Variants in MAPKAPK5 observed in about 807,000 individuals in gnomAD.
MAPKAPK5 encodes MAP kinase-activated protein kinase 5.
In MAPKAPK5, 30 loss-of-function variants were observed where a neutral mutation model predicts 65.1. That is an observed-to-expected ratio of 0.46 (90% CI 0.34 to 0.63). The LOEUF is 0.63. Ranked by LOEUF, MAPKAPK5 falls within the 20% of genes least tolerant of loss-of-function variation. The pLI, the probability that MAPKAPK5 is intolerant of heterozygous loss-of-function variation, is 0.01. For missense variants in MAPKAPK5, 433 were observed against 581.4 expected (o/e 0.74, Z 2.63); for synonymous variants, 179 against 204.6 (o/e 0.87, Z 1.07).
intron 1 of MAPKAPK5, among the ~76,000 whole-genome samples, chr12:111,859,378 A>G (rs1187955137): frequency 6.6e-6 from 1 of 150,780 alleles, no homozygotes; most frequent in African/African-American, 2.4e-5. Context: ...TCCCAGGTTC[A>G]AGCGATTCTC....
At chr12:111,845,555 C>A (rs920914114) in intron 1 of MAPKAPK5, among the ~76,000 whole-genome samples, 3 of 151,902 alleles carry the variant, frequency 2.0e-5, no homozygotes, top group African/African-American at 4.9e-5. Context: ...GCACTCCCAG[C>A]TTATAGGGTT....
intron 13 of MAPKAPK5, among the ~76,000 whole-genome samples, chr12:111,890,917 C>G (rs2070582718): frequency 1.3e-5 from 2 of 152,046 alleles, no homozygotes; most frequent in South Asian, 4.1e-4. Context: ...CTCAGCCTCC[C>G]AAAGTGCTGG....
chr12:111,865,870 CTG>C (rs2069588707), intron 2 of MAPKAPK5, among the ~76,000 whole-genome samples: 1 of 146,574 alleles, frequency 6.8e-6, no homozygotes, highest in Non-Finnish European at 1.5e-5. Context: ...GGTGTCGAGA[CTG>C]TGGGGCCACT....
chr12:111,856,032 TTTAG>T (rs2069228953), intron 1 of MAPKAPK5, among the ~76,000 whole-genome samples: 1 of 151,650 alleles, frequency 6.6e-6, no homozygotes, highest in African/African-American at 2.4e-5. Flanking sequence ...ATTTTGTACT[TTTAG>T]TAGAGACTGG....
chr12:111,900,258 A>G lies in MAPKAPK5; in HGVS notation c.*7197A>G. The G allele has an allele frequency of 2.2e-6, 1 of 455,984 alleles. No homozygotes were observed. The highest frequency in any genetic ancestry group is 4.4e-6 in the Non-Finnish European group (1 of 226,770). The allele number at this position is 455,984 out of a possible 1,614,324, so 28.2% of individuals were successfully genotyped here. A position where few individuals can be genotyped will look rare whatever the true frequency, so the allele number is the denominator to read the frequency against. ...CGTTGGGCATCACCCTGGACAGAAT[A>G]TGGGCCAGGCCTTTCTCAGTGGTGC... On this transcript the variant is annotated 3_prime_UTR_variant, in exon 14 of 14. Transcript: ENST00000550735.
intron 1 of MAPKAPK5, among the ~76,000 whole-genome samples, chr12:111,843,619 A>G (rs187193244): frequency 6.6e-6 from 1 of 152,336 alleles, no homozygotes; most frequent in East Asian, 1.9e-4. Flanking sequence ...CTTGAAGGAC[A>G]GGCATCTATT....
rs1276947252 is a variant in MAPKAPK5 at position 111,893,604 on chromosome 12, T to G, written c.*543T>G. ...GAGGGAGGTGAGCCCTCATTTCTCC[T>G]GCCCCCTAATTCCCAAGAGAAAAGC... On this transcript the variant is annotated 3_prime_UTR_variant, in exon 14 of 14. Transcript: ENST00000550735. 3 of 152,332 alleles carry G rather than the reference T, an allele frequency of 2.0e-5. No homozygotes were observed. The highest frequency in any genetic ancestry group is 7.2e-5 in the African/African-American group (3 of 41,470). The allele number at this position is 152,332 out of a possible 1,614,324, so 9.4% of individuals were successfully genotyped here.
intron 1 of MAPKAPK5, among the ~76,000 whole-genome samples, chr12:111,861,710 A>G (rs1207509575): frequency 2.0e-5 from 3 of 152,218 alleles, no homozygotes; most frequent in African/African-American, 7.2e-5. Context: ...AACAGTGTTT[A>G]GAAAAGCAAG....
chr12:111,889,950 C>T, intron 12 of MAPKAPK5, 90 bp from the exon 13 acceptor site: 1 of 771,142 alleles, frequency 1.3e-6, no homozygotes. Context: ...CATTTTTCAA[C>T]CAGTTGGACA....
At chr12:111,890,684 G>A (rs2070572205) in intron 13 of MAPKAPK5, among the ~76,000 whole-genome samples, 1 of 152,206 alleles carries the variant, frequency 6.6e-6, no homozygotes, top group East Asian at 1.9e-4. Flanking sequence ...TTGAGGCGGA[G>A]TTTCACTCTG....
Position 111,901,191 on chromosome 12 carries a change from G to A in MAPKAPK5, c.*8130G>A. 2.2e-6 allele frequency: 1 copy of A among 453,788 alleles called. No individual in the cohort carries two copies. The highest frequency in any genetic ancestry group is 4.4e-6 in the Non-Finnish European group (1 of 226,134). 28.1% of individuals were successfully genotyped at this position (453,788 alleles called of 1,614,324 possible). A position where few individuals can be genotyped will look rare whatever the true frequency, so the allele number is the denominator to read the frequency against. ...AGATGTGCACAATGGCACTTACTGT[G>A]CACCAAACAAAGTCTGCCTGAATTC... On this transcript the variant is annotated 3_prime_UTR_variant, in exon 14 of 14. Coordinates refer to ENST00000550735, the MANE Select transcript of MAPKAPK5 (RefSeq NM_003668.4).
In MAPKAPK5 at chr12:111,898,166, T is replaced by G. The variant is rs1158293737; in HGVS notation, c.*5105T>G. The G allele has an allele frequency of 6.6e-6, 1 of 152,024 alleles. No homozygotes were observed. The highest frequency in any genetic ancestry group is 1.5e-5 in the Non-Finnish European group (1 of 68,000). 9.4% of individuals were successfully genotyped at this position (152,024 alleles called of 1,614,324 possible). ...ACACCTGGTTAGTCAGCTTTTATTT[T>G]GACCCCACAGTTTTTTTTTTGAGAC... On this transcript the variant is annotated 3_prime_UTR_variant, in exon 14 of 14. Coordinates refer to ENST00000550735, the MANE Select transcript of MAPKAPK5 (RefSeq NM_003668.4).
In MAPKAPK5 at chr12:111,865,289, C is replaced by T. The variant is rs2069563198; in HGVS notation, c.76C>T (p.Gln26Ter). The T allele has an allele frequency of 1.3e-6, 2 of 1,593,112 alleles. No homozygotes were observed. Among genetic ancestry groups the T allele is most frequent in the Non-Finnish European group, 1.7e-6 (2 of 1,168,746 alleles). The part of the protein sequence containing the change: ...ILEEYSINWT[Q>*]KLGAGISGPV... Reference sequence around the variant, plus strand: ...AGAAGAATACAGTATCAATTGGACTCAGAAGCTGGGAGCTGGAATTAGTGG... The same window carrying T: ...AGAAGAATACAGTATCAATTGGACTTAGAAGCTGGGAGCTGGAATTAGTGG... Residue 26 changes from glutamine to a stop codon, truncating the protein, a stop_gained, in exon 2 of 14, where the codon CAG becomes TAG. Transcript: ENST00000550735. LOFTEE classifies it high-confidence loss of function.
chr12:111,891,391 T>G (rs2070602694), intron 13 of MAPKAPK5, among the ~76,000 whole-genome samples: 1 of 151,174 alleles, frequency 6.6e-6, no homozygotes. Flanking sequence ...TGTGAGCCAC[T>G]GCACCTGGCC....
At chr12:111,861,950 T>C (rs983284286) in intron 1 of MAPKAPK5, among the ~76,000 whole-genome samples, 2 of 152,246 alleles carry the variant, frequency 1.3e-5, no homozygotes, top group South Asian at 2.1e-4. Context: ...TCCAAGTGTT[T>C]GTATCCTTGT....
chr12:111,870,220 T>C (rs2069739240), intron 5 of MAPKAPK5, 51 bp from the exon 6 acceptor site: 1 of 1,368,542 alleles, frequency 7.3e-7, no homozygotes, highest in Non-Finnish European at 1.0e-6. Flanking sequence ...CCAGGTGTAT[T>C]AAAGAGTGGT....
At chr12:111,890,223 C>A in intron 13 of MAPKAPK5, 79 bp downstream of exon 13, 1 of 1,085,548 alleles carries the variant, frequency 9.2e-7, no homozygotes, top group Admixed American at 2.1e-5. Context: ...CTCTTTGGGG[C>A]CTGAGCTGCG....
At chr12:111,873,106 A>C (rs930961823) in intron 7 of MAPKAPK5, among the ~76,000 whole-genome samples, 2 of 151,914 alleles carry the variant, frequency 1.3e-5, no homozygotes, top group Non-Finnish European at 2.9e-5. Flanking sequence ...TAAGATCCAC[A>C]AGCATAAATA....
At position 111,865,279 on chromosome 12, in the gene MAPKAPK5, C is replaced by G; in HGVS notation, c.66C>G (p.Ile22Met). The G allele has an allele frequency of 6.3e-7, 1 of 1,589,902 alleles. No homozygotes were observed. Among genetic ancestry groups the G allele is most frequent in the Non-Finnish European group, 8.6e-7 (1 of 1,166,888 alleles). ...CTTCCATTTTAGAAGAATACAGTAT[C>G]AATTGGACTCAGAAGCTGGGAGCTG... Reference protein sequence around the residue: ...KETSILEEYSINWTQKLGAGI... With the variant: ...KETSILEEYSMNWTQKLGAGI... The change falls in exon 2 of 14, where the codon ATC (isoleucine) becomes ATG (methionine). Residue 22 changes from isoleucine to methionine, a missense_variant. By Grantham distance (10) the Ile-to-Met change is conservative (BLOSUM62 1). Transcript: ENST00000550735.
Sources: gnomAD v4.1 joint callset for allele counts (sites outside exome capture counted in the v4.1 genomes callset) on GRCh38, gnomAD v4.1.1 for gene constraint, MANE v1.5 for transcripts, NCBI Gene and HGNC (gene_info 2026-07-23, HGNC 2026-07-21) for gene names.